The following ADGRB2 variants were observed in gnomAD, a reference collection of about 807,000 sequenced individuals.
ADGRB2 encodes the protein adhesion G protein-coupled receptor B2.
Under a neutral mutation model 178.7 loss-of-function variants are expected in ADGRB2, and 47 were observed. The ratio of observed to expected loss-of-function variants is 0.26; its 90% confidence interval spans 0.21 to 0.34. The LOEUF (loss-of-function observed/expected upper bound fraction) is 0.34, where lower values mean the gene tolerates loss of function less well. Among genes scored for constraint, ADGRB2 ranks in the 10% least tolerant of loss-of-function variants. The pLI, the probability that ADGRB2 is intolerant of heterozygous loss-of-function variation, is 1.00. For missense variants in ADGRB2, 1,584 were observed against 2,180.8 expected, an observed-to-expected ratio of 0.73 and a Z score of 5.45; for synonymous variants, 870 against 912.4, an observed-to-expected ratio of 0.95 and a Z score of 0.84.
Position 31,741,910 on chromosome 1 carries a change from T to C in ADGRB2, c.1475A>G (p.Asp492Gly). The change falls in exon 9 of 33, where the codon GAC (aspartate) becomes GGC (glycine). Residue 492 changes from aspartate to glycine, a missense_variant. Coordinates refer to ENST00000373658, the MANE Select transcript of ADGRB2 (RefSeq NM_001364857.2). This position sits in a 1 kb window ranked among gnomAD's most constrained non-coding sequence, Gnocchi z 6.5. ...GCGGAAGCGGCGCTGCCAGCCTGTG[T>C]CACACGTCTTAGAGCACAGGCTCCA... ...NAWSLCSKTC[D>G]TGWQRRFRMC... is the part of the protein sequence containing the mutation. 6.2e-7 allele frequency: 1 copy of C among 1,611,186 alleles called. No homozygotes were observed. Among genetic ancestry groups the C allele is most frequent in the Non-Finnish European group, 8.5e-7 (1 of 1,177,956 alleles).
At chr1:31,746,410 C>T (rs938263351) in intron 4 of ADGRB2, among the ~76,000 whole-genome samples, 2 of 152,128 alleles carry the variant, frequency 1.3e-5, no homozygotes, top group Non-Finnish European at 2.9e-5. Flanking sequence ...CAGGGCCAGG[C>T]GTGCCAGCTC....
rs1021386642 is a variant in ADGRB2 at position 31,728,848 on chromosome 1, G to A, written c.4381-215C>T. Among the ~76,000 whole-genome samples, 2 of 60,346 alleles carry A rather than the reference G, an allele frequency of 3.3e-5. No individual in the cohort carries two copies. Among genetic ancestry groups the A allele is most frequent in the Admixed American group, 1.5e-4 (1 of 6,524 alleles). The allele number at this position is 60,346 out of a possible 152,430, so 39.6% of individuals were successfully genotyped here. ...CACACACACACACACACACACACAC[G>A]TCAAATGGCATGGTGCGGACTTCCA... On this transcript the variant is annotated intron_variant, in intron 29 of 32. Transcript: ENST00000373658. This position sits in a 1 kb window ranked among gnomAD's most constrained non-coding sequence, Gnocchi z 6.7.
rs1645926485 is a variant in ADGRB2, at chr1:31,740,928, GTCTT to G, written c.1795-391_1795-388del. On this transcript the variant is annotated intron_variant, in intron 11 of 32. Transcript: ENST00000373658. This position sits in a 1 kb window ranked among gnomAD's most constrained non-coding sequence, Gnocchi z 5.9. ...ACACACACACACACACACACACACT[GTCTT>G]TCTCTCTCTCACTCTCTCTCAACAC... Among the ~76,000 whole-genome samples, 3 of 71,786 alleles carry G rather than the reference GTCTT, an allele frequency of 4.2e-5. No homozygotes were observed. Among genetic ancestry groups the G allele is most frequent in the South Asian group, 1.4e-3 (2 of 1,412 alleles). 47.1% of individuals were successfully genotyped at this position (71,786 alleles called of 152,430 possible). A position where few individuals can be genotyped will look rare whatever the true frequency, so the allele number is the denominator to read the frequency against.
At position 31,735,650 on chromosome 1, in the gene ADGRB2, C is replaced by T. The variant is rs1275448736; in HGVS notation, c.3283G>A (p.Gly1095Arg). 3 of 1,602,250 alleles carry T rather than the reference C, an allele frequency of 1.9e-6. No individual in the cohort carries two copies. Among genetic ancestry groups the T allele is most frequent in the Admixed American group, 1.7e-5 (1 of 59,612 alleles). ...ATGAGCTTGTTGAAGACGATGATTC[C>T]GATGAGCATGTTCACCTGGGGGCCC... is the stretch of plus-strand genomic sequence containing the variant. ...AVIVLVNMLI[G>R]IIVFNKLMAR... Residue 1095 changes from glycine (G) to arginine (R), a missense_variant, in exon 24 of 33, where the codon GGA becomes AGA. Physicochemically the swap from Gly to Arg is moderately radical, Grantham distance 125. Coordinates refer to ENST00000373658, the MANE Select transcript of ADGRB2 (RefSeq NM_001364857.2). The surrounding 1 kb of genome is among the most constrained non-coding windows in gnomAD (Gnocchi z 6.0).
chr1:31,732,429 G>A, intron 27 of ADGRB2, 88 bp downstream of exon 27: 1 of 1,472,572 alleles, frequency 6.8e-7, no homozygotes, highest in Non-Finnish European at 9.4e-7. Flanking sequence ...CCCTGCCATG[G>A]ATGGGGAAGG....
At position 31,736,553 on chromosome 1, in the gene ADGRB2, C is replaced by G. The variant is rs1022982153; in HGVS notation, c.3130+20G>C. ...GCCCACCAAGGCCCAGCAGCAGAGT[C>G]CAGCACTGGCCCTGCTCACCCCAGC... On this transcript the variant is annotated intron_variant, in intron 21 of 32. Transcript: ENST00000373658. 5.0e-6 allele frequency: 8 copies of G among 1,612,344 alleles called. No homozygotes were observed. Among genetic ancestry groups the G allele is most frequent in the Non-Finnish European group, 6.8e-6 (8 of 1,178,990 alleles).
intron 6 of ADGRB2, 143 bp from the exon 7 acceptor site, chr1:31,743,145 G>T: frequency 9.9e-7 from 1 of 1,006,682 alleles, no homozygotes; most frequent in Non-Finnish European, 1.3e-6. Context: ...GTTGCCAGGG[G>T]GATCTCCCAG....
Position 31,744,625 on chromosome 1 carries a change from G to A in ADGRB2, c.922+23C>T. The A allele has an allele frequency of 1.9e-6, 3 of 1,612,748 alleles. No individual in the cohort carries two copies. Among genetic ancestry groups the A allele is most frequent in the Admixed American group, 1.7e-5 (1 of 59,994 alleles). On this transcript the variant is annotated intron_variant, in intron 5 of 32. Coordinates refer to ENST00000373658, the MANE Select transcript of ADGRB2 (RefSeq NM_001364857.2). This position sits in a 1 kb window ranked among gnomAD's most constrained non-coding sequence, Gnocchi z 6.7. ...ACACAGTCGGGCCCCCGCCGCAGAG[G>A]AAGGGAGGCGGGCCCGAGTTACCTG...
intron 4 of ADGRB2, among the ~76,000 whole-genome samples, chr1:31,752,356 A>G (rs954823567): frequency 6.6e-6 from 1 of 152,154 alleles, no homozygotes; most frequent in Non-Finnish European, 1.5e-5. Context: ...CTGGGCTGGA[A>G]GGACCTTCCA....
At chr1:31,731,971 C>T in intron 28 of ADGRB2, 144 bp downstream of exon 28, 1 of 1,041,658 alleles carries the variant, frequency 9.6e-7, no homozygotes, top group Non-Finnish European at 1.4e-6. Context: ...ACATTCGCAG[C>T]CTTGCGTCCA....
chr1:31,759,277 A>G lies in ADGRB2; in HGVS notation c.-190-1766T>C. ...CAGGGGTGTAGAGGCTTACACTTGT[A>G]CACATGCACAGAGGTGCACACGCAT... On this transcript the variant is annotated intron_variant, in intron 1 of 32. Coordinates refer to ENST00000373658, the MANE Select transcript of ADGRB2 (RefSeq NM_001364857.2). This position sits in a 1 kb window ranked among gnomAD's most constrained non-coding sequence, Gnocchi z 4.3. 1 of 779,570 alleles carries G rather than the reference A, an allele frequency of 1.3e-6. No individual in the cohort carries two copies. 48.3% of individuals were successfully genotyped at this position (779,570 alleles called of 1,614,324 possible). A position where few individuals can be genotyped will look rare whatever the true frequency, so the allele number is the denominator to read the frequency against.
intron 28 of ADGRB2, 103 bp from the exon 29 acceptor site, chr1:31,731,522 G>A: frequency 2.8e-6 from 4 of 1,407,530 alleles, no homozygotes; most frequent in East Asian, 2.4e-5. Flanking sequence ...GCTTGGACAG[G>A]AAAGGAAACT....
chr1:31,741,612 C>T lies in ADGRB2; in HGVS notation c.1687+12G>A. On this transcript the variant is annotated intron_variant, in intron 10 of 32. Transcript: ENST00000373658. This position sits in a 1 kb window ranked among gnomAD's most constrained non-coding sequence, Gnocchi z 6.5. The stretch of plus-strand genomic sequence containing the variant: ...GGGGTGGTGGTGGTGGGGAAAGCCA[C>T]CTGCCCCTTACCTGAGGCATTCGGG... The T allele has an allele frequency of 6.2e-7, 1 of 1,612,510 alleles. No homozygotes were observed. Among genetic ancestry groups the T allele is most frequent in the Non-Finnish European group, 8.5e-7 (1 of 1,179,188 alleles).
Position 31,742,147 on chromosome 1 carries a change from C to T in ADGRB2, c.1323G>A (p.Gln441=). The T allele has an allele frequency of 6.2e-7, 1 of 1,613,538 alleles. No individual in the cohort carries two copies. Among genetic ancestry groups the T allele is most frequent in the Non-Finnish European group, 8.5e-7 (1 of 1,179,952 alleles). The change falls in exon 8 of 33, where the codon CAG becomes CAA. Residue 441 remains glutamine, a synonymous_variant. Transcript: ENST00000373658. ...CSTSCANGTQ[Q]RSRKCSVAGP... ...CCGCCACGCTGCACTTCCGGCTGCG[C>T]TGTTGGGTCCCATTGGCACAGGACG... is the stretch of plus-strand genomic sequence containing the variant.
intron 20 of ADGRB2, 59 bp from the exon 21 acceptor site, chr1:31,736,782 C>T (rs1013014043): frequency 2.1e-5 from 33 of 1,565,878 alleles, no homozygotes; most frequent in East Asian, 7.0e-5. Context: ...CAGGAGGCGC[C>T]GGGCTTCCCA....
chr1:31,742,144 G>A lies in ADGRB2; in HGVS notation c.1326C>T (p.Arg442=), dbSNP rs745466842. 4 of 1,613,560 alleles carry A rather than the reference G, an allele frequency of 2.5e-6. No individual in the cohort carries two copies. The Admixed American group carries it at 6.7e-5, about 27-fold the overall frequency. The change falls in exon 8 of 33, where the codon CGC becomes CGT. Residue 442 remains arginine, a synonymous_variant. Transcript: ENST00000373658. ...STSCANGTQQ[R]SRKCSVAGPA... ...GGCCCGCCACGCTGCACTTCCGGCT[G>A]CGCTGTTGGGTCCCATTGGCACAGG...
In ADGRB2 at chr1:31,727,560, G is replaced by A. The variant is rs776634520; in HGVS notation, c.4618C>T (p.Arg1540Cys). Residue 1540 changes from arginine (R) to cysteine (C), a missense_variant, in exon 33 of 33, where the codon CGC becomes TGC. Arg to Cys is a radical substitution (Grantham distance 180). Coordinates refer to ENST00000373658, the MANE Select transcript of ADGRB2 (RefSeq NM_001364857.2). This position sits in a 1 kb window ranked among gnomAD's most constrained non-coding sequence, Gnocchi z 4.4. ...TTGAAGGTGCTCCAGCTCTGATGGC[G>A]CCGATGTTGGGACAAGCTGGGGCGC... is the stretch of plus-strand genomic sequence containing the variant. Reference protein sequence around the residue: ...GERPSLSQHRRHQSWSTFKSM... With the variant: ...GERPSLSQHRCHQSWSTFKSM... 8.9e-6 allele frequency: 14 copies of A among 1,575,892 alleles called. No individual in the cohort carries two copies. Among genetic ancestry groups the A allele is most frequent in the Admixed American group, 6.0e-5 (3 of 49,596 alleles).
At chr1:31,745,387 T>C (rs1470622017) in intron 4 of ADGRB2, among the ~76,000 whole-genome samples, 1 of 152,212 alleles carries the variant, frequency 6.6e-6, no homozygotes, top group Non-Finnish European at 1.5e-5. Context: ...CTGCTGGCCC[T>C]GAGGCCAGGA....
chr1:31,750,593 G>A (rs765396571), intron 4 of ADGRB2, among the ~76,000 whole-genome samples: 12 of 152,084 alleles, frequency 7.9e-5, no homozygotes, highest in Non-Finnish European at 1.2e-4. Context: ...GGGAGAGAGC[G>A]CTGTGATTTA....
Sources: allele counts gnomAD v4.1 joint callset (sites outside exome capture counted in the v4.1 genomes callset), GRCh38; gene constraint gnomAD v4.1.1; non-coding constraint Gnocchi (gnomAD v3.1); transcripts MANE v1.5; gene names NCBI Gene and HGNC (gene_info 2026-07-23, HGNC 2026-07-21).